Variants in GPHN observed in about 807,000 individuals in gnomAD.
GPHN encodes gephyrin.
Under a neutral mutation model 95.5 loss-of-function variants are expected in GPHN, and 17 were observed. The ratio of observed to expected loss-of-function variants is 0.18; its 90% confidence interval spans 0.12 to 0.27. GPHN has a LOEUF of 0.27. Among genes scored for constraint, GPHN ranks in the 10% least tolerant of loss-of-function variants. The pLI is 1.00. For synonymous variants in GPHN, 320 were observed against 322.5 expected (o/e 0.99, Z 0.08); for missense variants, 660 against 978.1 (o/e 0.67, Z 4.34).
intron 9 of GPHN, among the ~76,000 whole-genome samples, chr14:66,984,028 T>TA (rs940540900): frequency 4.6e-5 from 7 of 152,214 alleles, no homozygotes; most frequent in African/African-American, 1.7e-4. Context: ...TTGCTGAGCT[T>TA]AATGTAATTT....
At chr14:67,027,140 A>T (rs575030017) in intron 10 of GPHN, among the ~76,000 whole-genome samples, 2 of 152,340 alleles carry the variant, frequency 1.3e-5, no homozygotes, top group African/African-American at 4.8e-5. Context: ...TGTTATCAGG[A>T]TGATATGACA....
the GPHN span, among the ~76,000 whole-genome samples, chr14:67,422,058 G>A: frequency 0.1 from 15,805 of 152,086 alleles, 1,591 homozygotes; most frequent in East Asian, 0.45. Flanking sequence ...GGCCTAGCCA[G>A]TTCCTAGAAA....
intron 11 of GPHN, among the ~76,000 whole-genome samples, chr14:67,063,519 G>T (rs1233934526): frequency 6.6e-6 from 1 of 152,126 alleles, no homozygotes; most frequent in Admixed American, 6.5e-5. Context: ...AAATTACCTT[G>T]GGCAGTATGG....
the GPHN span, among the ~76,000 whole-genome samples, chr14:67,234,743 T>G: frequency 6.6e-6 from 1 of 151,274 alleles, no homozygotes; most frequent in Non-Finnish European, 1.5e-5. Flanking sequence ...AGAGATGGGG[T>G]TTTGCCATGT....
intron 9 of GPHN, among the ~76,000 whole-genome samples, chr14:67,013,140 T>TTTATTA (rs1179654639): frequency 6.6e-6 from 1 of 151,982 alleles, no homozygotes; most frequent in Non-Finnish European, 1.5e-5. Flanking sequence ...CATACTCTTT[T>TTTATTA]TTATTATTAT....
chr14:67,601,028 T>C, the GPHN span, among the ~76,000 whole-genome samples: 2 of 152,238 alleles, frequency 1.3e-5, no homozygotes, highest in East Asian at 1.9e-4. Flanking sequence ...CAGTGAACGA[T>C]GTTGATGACA....
the GPHN span, chr14:67,729,372 G>A: frequency 6.3e-6 from 10 of 1,597,444 alleles, no homozygotes; most frequent in Non-Finnish European, 8.5e-6. Flanking sequence ...TGAGTGGCAA[G>A]TACTTCAGGT....
At chr14:67,726,940 G>A in the GPHN span, 6 of 1,581,222 alleles carry the variant, frequency 3.8e-6, no homozygotes, top group Admixed American at 1.7e-5. Flanking sequence ...AGCCTGGGCT[G>A]TCATTCCACT....
chr14:67,174,153 A>G (rs541405357), intron 21 of GPHN, among the ~76,000 whole-genome samples: 14 of 152,302 alleles, frequency 9.2e-5, no homozygotes, highest in Non-Finnish European at 1.9e-4. Context: ...TACATGTGCC[A>G]TGTTGGTTTC....
intron 11 of GPHN, among the ~76,000 whole-genome samples, chr14:67,063,839 G>A (rs1385551271): frequency 2.0e-5 from 3 of 152,122 alleles, no homozygotes; most frequent in African/African-American, 4.8e-5. Flanking sequence ...GGGCTGAGAC[G>A]ATGGAGTTTT....
downstream of GPHN, among the ~76,000 whole-genome samples, chr14:67,186,070 T>C (rs2083366615): frequency 6.6e-6 from 1 of 152,162 alleles, no homozygotes; most frequent in South Asian, 2.1e-4. Flanking sequence ...CTCAATCCTG[T>C]CCATTTCGTA....
At chr14:66,804,466 C>A (rs1186523289) in intron 3 of GPHN, among the ~76,000 whole-genome samples, 1 of 152,198 alleles carries the variant, frequency 6.6e-6, no homozygotes, top group Non-Finnish European at 1.5e-5. Flanking sequence ...TTTTGTCTAG[C>A]TTTGCATGCT....
chr14:66,570,543 C>G (rs900926525), intron 1 of GPHN, among the ~76,000 whole-genome samples: 1 of 151,810 alleles, frequency 6.6e-6, no homozygotes, highest in Non-Finnish European at 1.5e-5. Flanking sequence ...TGATCTCAGG[C>G]GATCCACCTG....
At chr14:66,662,402 C>T (rs1220883816) in intron 1 of GPHN, among the ~76,000 whole-genome samples, 1 of 151,808 alleles carries the variant, frequency 6.6e-6, no homozygotes, top group Non-Finnish European at 1.5e-5. Flanking sequence ...GGGACTAGAG[C>T]AGATGCCCAG....
chr14:66,897,499 C>T (rs1436293301), intron 5 of GPHN, among the ~76,000 whole-genome samples: 1 of 152,042 alleles, frequency 6.6e-6, no homozygotes, highest in South Asian at 2.1e-4. Flanking sequence ...ACCCAGCCCC[C>T]CTTTCCTAAA....
At chr14:67,399,516 T>C in the GPHN span, among the ~76,000 whole-genome samples, 2 of 146,116 alleles carry the variant, frequency 1.4e-5, no homozygotes, top group Non-Finnish European at 3.0e-5. Context: ...AAGGGTCGTT[T>C]AGGTGGTTCT....
chr14:67,249,301 T>C, the GPHN span, among the ~76,000 whole-genome samples: 1 of 152,142 alleles, frequency 6.6e-6, no homozygotes, highest in Admixed American at 6.5e-5. Flanking sequence ...GCAGGAGAAA[T>C]GACAGTAATT....
At chr14:67,383,009 T>C in the GPHN span, among the ~76,000 whole-genome samples, 1 of 152,120 alleles carries the variant, frequency 6.6e-6, no homozygotes, top group Non-Finnish European at 1.5e-5. Context: ...TAACAGGATA[T>C]CTATTTGTGG....
the GPHN span, among the ~76,000 whole-genome samples, chr14:67,513,987 C>T: frequency 4.9e-4 from 75 of 152,162 alleles, no homozygotes; most frequent in Non-Finnish European, 9.1e-4. Flanking sequence ...CTCCCTTGAT[C>T]CCTCTTCCTG....
Sources: gnomAD v4.1 joint callset for allele counts (sites outside exome capture counted in the v4.1 genomes callset) on GRCh38, gnomAD v4.1.1 for gene constraint, MANE v1.5 for transcripts, NCBI Gene and HGNC (gene_info 2026-07-23, HGNC 2026-07-21) for gene names.